The following KIAA1671 variants were observed in gnomAD, a reference collection of about 807,000 sequenced individuals.
The protein encoded by KIAA1671 is KIAA1671.
In KIAA1671, 52 loss-of-function variants were observed where a neutral mutation model predicts 131.2. The observed-to-expected ratio is 0.40, with a 90% CI of 0.32 to 0.50. The LOEUF is 0.50. Ranked by LOEUF, KIAA1671 falls within the 20% of genes least tolerant of loss-of-function variation. The pLI, the probability that KIAA1671 is intolerant of heterozygous loss-of-function variation, is 0.73. For missense variants in KIAA1671, 2,360 were observed against 2,364.2 expected (o/e 1.00, Z 0.04); for synonymous variants, 1,003 against 961.6 (o/e 1.04, Z -0.80).
chr22:25,188,322 T>C (rs1056829580), intron 11 of KIAA1671, among the ~76,000 whole-genome samples: 5 of 121,948 alleles, frequency 4.1e-5, no homozygotes, highest in African/African-American at 1.5e-4. Flanking sequence ...ACAAACAGTT[T>C]AAACAAATCT....
chr22:25,158,262 A>C (rs1283309629), intron 6 of KIAA1671, among the ~76,000 whole-genome samples: 1 of 152,198 alleles, frequency 6.6e-6, no homozygotes, highest in Non-Finnish European at 1.5e-5. Context: ...TAGAGAGGGG[A>C]CAGGGAGTCA....
chr22:25,029,679 A>G (rs370727731), intron 3 of KIAA1671, 139 bp downstream of exon 3: 176 of 674,702 alleles, frequency 2.6e-4, no homozygotes, highest in African/African-American at 1.6e-3. Context: ...GGCAGTGTCC[A>G]TTTCTCAGAT....
chr22:25,124,927 T>C (rs1212041473), intron 6 of KIAA1671, among the ~76,000 whole-genome samples: 1 of 152,056 alleles, frequency 6.6e-6, no homozygotes, highest in African/African-American at 2.4e-5. Flanking sequence ...TGGCTAATTT[T>C]TTGTAGTTTT....
chr22:25,093,271 T>C lies in KIAA1671; in HGVS notation c.4530+43907T>C, dbSNP rs190954572. 2.8e-3 allele frequency among the ~76,000 whole-genome samples: 423 copies of C among 152,260 alleles called. 1 individual carries two copies. The highest frequency in any genetic ancestry group is 4.5e-3 in the Non-Finnish European group (307 of 68,012). On this transcript the variant is annotated intron_variant, in intron 6 of 12. Coordinates refer to ENST00000358431, the MANE Select transcript of KIAA1671 (RefSeq NM_001145206.2). The stretch of plus-strand genomic sequence containing the variant: ...AGGGGCCAGTTTTGAGCAGGCAGCC[T>C]AGCTATGCTTCACAGCCTAGGAACC...
rs532257357 is a variant in KIAA1671, at chr22:25,181,607, T to C, written c.5075-92T>C. 3.4e-5 allele frequency: 49 copies of C among 1,462,480 alleles called. No homozygotes were observed. The African/African-American group carries it at 6.4e-4, about 19-fold the overall frequency. The allele number at this position is 1,462,480 out of a possible 1,614,324, so 90.6% of individuals were successfully genotyped here. A position where few individuals can be genotyped will look rare whatever the true frequency, so the allele number is the denominator to read the frequency against. On this transcript the variant is annotated intron_variant, in intron 9 of 12. Transcript: ENST00000358431. ...CTTCTGTGCAGGTCTGATGTGAGCA[T>C]TGCATGAGATACTGTGTGCAAATTA...
At chr22:25,052,560 C>T (rs1158336217) in intron 6 of KIAA1671, 1 of 152,144 alleles carries the variant, frequency 6.6e-6, no homozygotes, top group African/African-American at 2.4e-5. Flanking sequence ...CTTCCAAGTT[C>T]TGGGTCTGCA....
chr22:24,984,388 G>T (rs1200087059), intron 1 of KIAA1671, among the ~76,000 whole-genome samples: 1 of 152,188 alleles, frequency 6.6e-6, no homozygotes, highest in East Asian at 1.9e-4. Context: ...CTTCAGTCTT[G>T]TAAGTTCTCA....
At chr22:24,995,460 G>A (rs944632706) in intron 1 of KIAA1671, among the ~76,000 whole-genome samples, 4 of 151,500 alleles carry the variant, frequency 2.6e-5, no homozygotes, top group African/African-American at 9.7e-5. Context: ...TGGCTCAAGC[G>A]ATCCTCCTAC....
At chr22:25,093,824 T>TCTCTCTCTCTCTCTCTCTCTCTCTCTCTC (rs1555877745) in intron 6 of KIAA1671, among the ~76,000 whole-genome samples, 1 of 21,922 alleles carries the variant, frequency 4.6e-5, no homozygotes, top group Non-Finnish European at 8.3e-5. Context: ...CTCTCTCTCT[T>TCTCTCTCTCTCTCTCTCTCTCTCTCTCTC]TCTCTCTCTG....
intron 7 of KIAA1671, among the ~76,000 whole-genome samples, chr22:25,172,715 C>T (rs1933890108): frequency 6.6e-6 from 1 of 152,176 alleles, no homozygotes; most frequent in Admixed American, 6.5e-5. Context: ...CTTGAATTAT[C>T]TGTAAATTTT....
intron 6 of KIAA1671, among the ~76,000 whole-genome samples, chr22:25,159,028 T>C (rs1933344400): frequency 6.6e-6 from 1 of 152,160 alleles, no homozygotes; most frequent in African/African-American, 2.4e-5. Flanking sequence ...TGCCTACCTC[T>C]GACACCCACA....
At chr22:25,076,495 T>C (rs1929115305) in intron 6 of KIAA1671, among the ~76,000 whole-genome samples, 1 of 152,116 alleles carries the variant, frequency 6.6e-6, no homozygotes, top group Admixed American at 6.6e-5. Flanking sequence ...ACTTCTCTTC[T>C]GGGGGGAGAA....
At chr22:25,117,586 CA>C (rs1327678048) in intron 6 of KIAA1671, among the ~76,000 whole-genome samples, 9 of 7,422 alleles carry the variant, frequency 1.2e-3, no homozygotes, top group African/African-American at 3.3e-3. Context: ...CTCCCCCAAC[CA>C]CACACACACA....
intron 6 of KIAA1671, among the ~76,000 whole-genome samples, chr22:25,099,537 G>GTTTTTTTTTT (rs1223034273): frequency 1.8e-5 from 2 of 112,112 alleles, no homozygotes; most frequent in African/African-American, 3.9e-5. Context: ...CAAAATGTGG[G>GTTTTTTTTTT]TTTTTTTGTT....
intron 6 of KIAA1671, among the ~76,000 whole-genome samples, chr22:25,125,007 C>T (rs754258818): frequency 1.3e-3 from 191 of 152,208 alleles, no homozygotes; most frequent in Non-Finnish European, 2.5e-3. Flanking sequence ...AGTCCTCCTG[C>T]TTCAGCCTCC....
intron 1 of KIAA1671, among the ~76,000 whole-genome samples, chr22:24,961,547 T>C (rs543107839): frequency 2.0e-5 from 3 of 152,308 alleles, no homozygotes; most frequent in East Asian, 1.9e-4. Context: ...AGGCTTTGGA[T>C]TGGGTTCAGG....
At chr22:25,130,652 A>T (rs537376648) in intron 6 of KIAA1671, among the ~76,000 whole-genome samples, 5 of 152,130 alleles carry the variant, frequency 3.3e-5, no homozygotes, top group Non-Finnish European at 7.4e-5. Context: ...AATCGTAAAC[A>T]TCTAGATGAG....
chr22:25,109,506 G>T (rs1931223492), intron 6 of KIAA1671, among the ~76,000 whole-genome samples: 1 of 152,098 alleles, frequency 6.6e-6, no homozygotes, highest in Admixed American at 6.5e-5. Flanking sequence ...TTGTGGGAGG[G>T]GACCACACCA....
At position 25,112,049 on chromosome 22, in the gene KIAA1671, AT is replaced by A. The variant is rs3830744; in HGVS notation, c.4531-58763del. 4.7e-4 allele frequency: 185 copies of A among 396,466 alleles called. 1 individual carries two copies. The East Asian group carries it at 5.7e-3, about 12-fold the overall frequency. The allele number at this position is 396,466 out of a possible 1,614,324, so 24.6% of individuals were successfully genotyped here. On this transcript the variant is annotated intron_variant, in intron 6 of 12. Transcript: ENST00000358431. The stretch of plus-strand genomic sequence containing the variant: ...TGCCTGAAGAAAGCTGCTGTTTTTA[AT>A]TTTTTTTCCTCCAAGCAAGCCCAAA...
Sources: gnomAD v4.1 joint callset for allele counts (sites outside exome capture counted in the v4.1 genomes callset) on GRCh38, gnomAD v4.1.1 for gene constraint, MANE v1.5 for transcripts, NCBI Gene and HGNC (gene_info 2026-07-23, HGNC 2026-07-21) for gene names.